Variants in GABRB1 observed in about 807,000 individuals in gnomAD.
The protein encoded by GABRB1 is gamma-aminobutyric acid receptor subunit beta-1.
GABRB1 carries 17 observed loss-of-function variants against 51.6 expected under a neutral mutation model. The ratio of observed to expected loss-of-function variants is 0.33; its 90% confidence interval spans 0.23 to 0.49. The LOEUF (loss-of-function observed/expected upper bound fraction) is 0.49, where lower values mean the gene tolerates loss of function less well. Among genes scored for constraint, GABRB1 ranks in the 20% least tolerant of loss-of-function variants. GABRB1 has a pLI of 0.99. For synonymous variants in GABRB1, 247 were observed against 218.9 expected (o/e 1.13, Z -1.14); for missense variants, 410 against 600.6 (o/e 0.68, Z 3.32).
chr4:47,275,678 A>G (rs1365667519), intron 4 of GABRB1, among the ~76,000 whole-genome samples: 1 of 152,146 alleles, frequency 6.6e-6, no homozygotes, highest in Non-Finnish European at 1.5e-5. Flanking sequence ...TTCCAAGATC[A>G]GGAAACCACC....
intron 4 of GABRB1, among the ~76,000 whole-genome samples, chr4:47,165,250 A>T (rs964381264): frequency 6.6e-6 from 1 of 151,944 alleles, no homozygotes. Flanking sequence ...TAATCTCTCC[A>T]TGTCTGCATG....
At chr4:47,222,035 T>A (rs977408166) in intron 4 of GABRB1, among the ~76,000 whole-genome samples, 2 of 152,072 alleles carry the variant, frequency 1.3e-5, no homozygotes, top group Non-Finnish European at 2.9e-5. Flanking sequence ...AAATTACGAA[T>A]GATAATGCAA....
chr4:47,254,450 C>T lies in GABRB1; in HGVS notation c.462-65677C>T, dbSNP rs993106987. 2.7e-5 allele frequency among the ~76,000 whole-genome samples: 4 copies of T among 147,160 alleles called. No individual in the cohort carries two copies. The East Asian group carries it at 6.0e-4, about 22-fold the overall frequency. On this transcript the variant is annotated intron_variant, in intron 4 of 8. Transcript: ENST00000295454. Reference sequence around the variant, plus strand: ...AGTGCAGTGGCGCTCACTGCAAGCTCCGCCTCCCGAGTTCACGCAGTTCTC... The same window carrying T: ...AGTGCAGTGGCGCTCACTGCAAGCTTCGCCTCCCGAGTTCACGCAGTTCTC...
chr4:47,023,284 A>G (rs954625315), intron 1 of GABRB1, among the ~76,000 whole-genome samples: 4 of 152,078 alleles, frequency 2.6e-5, no homozygotes, highest in African/African-American at 9.6e-5. Context: ...GACTGTAGGC[A>G]ATAATAATTT....
chr4:47,382,310 C>A (rs969899234), intron 5 of GABRB1, among the ~76,000 whole-genome samples: 3 of 152,154 alleles, frequency 2.0e-5, no homozygotes, highest in Non-Finnish European at 4.4e-5. Context: ...CCTCTACCTA[C>A]TAAGTACCAG....
At chr4:47,298,476 C>T (rs1393163010) in intron 4 of GABRB1, among the ~76,000 whole-genome samples, 2 of 152,172 alleles carry the variant, frequency 1.3e-5, no homozygotes, top group South Asian at 4.1e-4. Context: ...CATAAGTGAA[C>T]TCCCATTCAC....
At chr4:47,134,855 G>A (rs1243865107) in intron 3 of GABRB1, among the ~76,000 whole-genome samples, 2 of 152,200 alleles carry the variant, frequency 1.3e-5, no homozygotes, top group African/African-American at 4.8e-5. Flanking sequence ...AATGGCTCAG[G>A]CCTCTAATCC....
chr4:47,385,460 T>C (rs1727759573), intron 5 of GABRB1, among the ~76,000 whole-genome samples: 1 of 152,222 alleles, frequency 6.6e-6, no homozygotes, highest in South Asian at 2.1e-4. Context: ...GTATAGACGA[T>C]GCAACAGGAT....
chr4:47,239,522 C>T (rs759867955), intron 4 of GABRB1, among the ~76,000 whole-genome samples: 3 of 152,066 alleles, frequency 2.0e-5, no homozygotes, highest in African/African-American at 7.2e-5. Flanking sequence ...CAGTTGGCAA[C>T]GGGCCCCATC....
chr4:47,310,875 G>A (rs1560327729), intron 4 of GABRB1, among the ~76,000 whole-genome samples: 1 of 151,826 alleles, frequency 6.6e-6, no homozygotes, highest in Admixed American at 6.6e-5. Context: ...ACTAAGATAA[G>A]GTCTGTGGCC....
chr4:47,036,631 G>T (rs1725579864), intron 3 of GABRB1, among the ~76,000 whole-genome samples: 1 of 152,144 alleles, frequency 6.6e-6, no homozygotes, highest in African/African-American at 2.4e-5. Context: ...GGAGGCCAAG[G>T]CGAGTGTATC....
chr4:47,403,439 G>GGTGGA lies in GABRB1; in HGVS notation c.669_673dup (p.Phe225TrpfsTer13). 6.2e-7 allele frequency: 1 copy of GGTGGA among 1,614,044 alleles called. No individual in the cohort carries two copies. Among genetic ancestry groups the GGTGGA allele is most frequent in the Non-Finnish European group, 8.5e-7 (1 of 1,179,934 alleles). ...TTGACTACAAGATGGTGTCTAAGAA[G>GGTGGA]GTGGAGTTCACAACAGGTGAGGTTG... On this transcript the variant is annotated frameshift_variant, in exon 6 of 9. Transcript: ENST00000295454. LOFTEE classifies it high-confidence loss of function.
intron 4 of GABRB1, among the ~76,000 whole-genome samples, chr4:47,177,040 A>G (rs942332641): frequency 1.3e-5 from 2 of 152,158 alleles, no homozygotes; most frequent in Non-Finnish European, 1.5e-5. Context: ...CTATTTTAAT[A>G]GAAATATAAG....
chr4:47,134,048 C>A (rs1345180467), intron 3 of GABRB1, among the ~76,000 whole-genome samples: 1 of 152,112 alleles, frequency 6.6e-6, no homozygotes, highest in Admixed American at 6.6e-5. Context: ...CTTACCACTT[C>A]AAAATGATTA....
intron 3 of GABRB1, among the ~76,000 whole-genome samples, chr4:47,033,795 T>C (rs1725439088): frequency 6.6e-6 from 1 of 152,238 alleles, no homozygotes; most frequent in Non-Finnish European, 1.5e-5. Context: ...CTGCTTCAAA[T>C]AACGTATTTA....
At chr4:47,064,538 T>A (rs1726982964) in intron 3 of GABRB1, among the ~76,000 whole-genome samples, 1 of 148,018 alleles carries the variant, frequency 6.8e-6, no homozygotes, top group South Asian at 2.1e-4. Flanking sequence ...CTCGGGAGGC[T>A]GAGGCTGCAG....
intron 4 of GABRB1, among the ~76,000 whole-genome samples, chr4:47,297,013 G>C (rs886852908): frequency 6.6e-6 from 1 of 151,886 alleles, no homozygotes; most frequent in Non-Finnish European, 1.5e-5. Flanking sequence ...ATGACTACTG[G>C]GTACATAATG....
chr4:47,153,234 C>T (rs1717544289), intron 3 of GABRB1, among the ~76,000 whole-genome samples: 1 of 151,920 alleles, frequency 6.6e-6, no homozygotes, highest in Admixed American at 6.6e-5. Flanking sequence ...TAGTAAACAA[C>T]CATTAAAAGT....
At chr4:47,384,416 T>TAA (rs59005369) in intron 5 of GABRB1, among the ~76,000 whole-genome samples, 11 of 122,374 alleles carry the variant, frequency 9.0e-5, no homozygotes, top group African/African-American at 3.3e-4. Flanking sequence ...CACACCAAAA[T>TAA]AAAAAAAAAA....
Sources: gnomAD v4.1 joint callset for allele counts (sites outside exome capture counted in the v4.1 genomes callset) on GRCh38, gnomAD v4.1.1 for gene constraint, MANE v1.5 for transcripts, NCBI Gene and HGNC (gene_info 2026-07-23, HGNC 2026-07-21) for gene names.